DACT1: variants seen among roughly 807,000 people sequenced by gnomAD.
The protein encoded by DACT1 is dapper homolog 1.
In DACT1, 19 loss-of-function variants were observed where a neutral mutation model predicts 35.3. The observed-to-expected ratio is 0.54, with a 90% CI of 0.38 to 0.79. The LOEUF (loss-of-function observed/expected upper bound fraction) is 0.79, where lower values mean the gene tolerates loss of function less well. Among genes scored for constraint, DACT1 ranks in the 30% least tolerant of loss-of-function variants. The pLI is 0.00. For synonymous variants in DACT1, 545 were observed against 466.7 expected (o/e 1.17, Z -2.16); for missense variants, 1,143 against 1,057.5 (o/e 1.08, Z -1.12).
At position 58,647,009 on chromosome 14, in the gene DACT1, G is replaced by T. The variant is rs2047697688; in HGVS notation, c.2275G>T (p.Val759Leu). 1.2e-6 allele frequency: 2 copies of T among 1,614,152 alleles called. No individual in the cohort carries two copies. The highest frequency in any genetic ancestry group is 1.7e-6 in the Non-Finnish European group (2 of 1,180,024). The change falls in exon 4 of 4, where the codon GTA becomes TTA. Residue 759 changes from valine (V) to leucine (L), a missense_variant. Coordinates refer to ENST00000395153, the MANE Select transcript of DACT1 (RefSeq NM_001079520.2). ...TGTCCAGACTCTGCCCATTCAAACG[G>T]TAACGGCCCCAGACCTTCACAACCA... ...QFVQTLPIQT[V>L]TAPDLHNHPA... is the part of the protein sequence containing the mutation.
chr14:58,638,726 G>C, intron 1 of DACT1, 179 bp downstream of exon 1: 1 of 1,179,350 alleles, frequency 8.5e-7, no homozygotes, highest in Non-Finnish European at 1.1e-6. Flanking sequence ...CGTGTGGGCT[G>C]CCGACGCCCA....
Position 58,646,757 on chromosome 14 carries a change from C to T in DACT1, c.2023C>T (p.Pro675Ser). ...GCTGTACCCCGCGCCTGTGCCTCTG[C>T]CCTACGCCAGCCCCTACGCCTACGT... Reference protein sequence around the residue: ...VGLYPAPVPLPYASPYAYVAS... With the variant: ...VGLYPAPVPLSYASPYAYVAS... The change falls in exon 4 of 4, where the codon CCC becomes TCC. Residue 675 changes from proline to serine, a missense_variant. By Grantham distance (74) the Pro-to-Ser change is moderately conservative. This residue lies in a region of DACT1 where 1,054 missense variants were observed against 958.8 expected (regional missense o/e 1.10). Transcript: ENST00000395153. 1 of 1,614,054 alleles carries T rather than the reference C, an allele frequency of 6.2e-7. No homozygotes were observed. Among genetic ancestry groups the T allele is most frequent in the Non-Finnish European group, 8.5e-7 (1 of 1,180,040 alleles).
chr14:58,638,716 C>T lies in DACT1; in HGVS notation c.345+169C>T, dbSNP rs1175652841. On this transcript the variant is annotated intron_variant, in intron 1 of 3. Transcript: ENST00000395153. Reference sequence around the variant, plus strand: ...TGATCCCCTTCCTGAGTGCCCGCGGCGTGTGGGCTGCCGACGCCCACGCGT... The same window carrying T: ...TGATCCCCTTCCTGAGTGCCCGCGGTGTGTGGGCTGCCGACGCCCACGCGT... The T allele has an allele frequency of 4.2e-6, 5 of 1,179,042 alleles. No individual in the cohort carries two copies. In the African/African-American group the frequency reaches 4.8e-5, roughly 11 times the overall value. 73.0% of individuals were successfully genotyped at this position (1,179,042 alleles called of 1,614,324 possible).
rs1240979983 is a variant in DACT1, at chr14:58,647,265, G to T, written c.*131G>T. ...CTTTTTAAAAAAATATAAAACCAAG[G>T]TAAATTATTGTTTCATCTTCACGTA... On this transcript the variant is annotated 3_prime_UTR_variant, in exon 4 of 4. Transcript: ENST00000395153. The T allele has an allele frequency of 1.8e-6, 2 of 1,084,500 alleles. No individual in the cohort carries two copies. The highest frequency in any genetic ancestry group is 1.6e-5 in the South Asian group (1 of 63,300). The allele number at this position is 1,084,500 out of a possible 1,614,324, so 67.2% of individuals were successfully genotyped here. A position where few individuals can be genotyped will look rare whatever the true frequency, so the allele number is the denominator to read the frequency against.
upstream of DACT1, chr14:58,637,922 T>A (rs2047587550): frequency 5.8e-6 from 1 of 172,794 alleles, no homozygotes; most frequent in South Asian, 2.0e-4. Context: ...CAGGCGGGGG[T>A]TTGCAGGGCC....
rs371662684 is a variant in DACT1, at chr14:58,645,486, C to A, written c.752C>A (p.Thr251Lys). 3 of 1,614,052 alleles carry A rather than the reference C, an allele frequency of 1.9e-6. No individual in the cohort carries two copies. In the African/African-American group the frequency reaches 4.0e-5, roughly 22 times the overall value. The change falls in exon 4 of 4, where the codon ACG (threonine) becomes AAG (lysine). Residue 251 changes from threonine to lysine, a missense_variant. By Grantham distance (78) the Thr-to-Lys change is moderately conservative (BLOSUM62 -1). Coordinates refer to ENST00000395153, the MANE Select transcript of DACT1 (RefSeq NM_001079520.2). ...AGCCCAATGTTTCTCCTTTGTCTGACGGGCAACCCTCTGAGGGAAGAGGAC... is the reference window on the plus strand; with the variant it reads ...AGCCCAATGTTTCTCCTTTGTCTGAAGGGCAACCCTCTGAGGGAAGAGGAC... ...VQSPMFLLCL[T>K]GNPLREEDRL...
At chr14:58,639,712 G>A (rs1009130130) in intron 1 of DACT1, among the ~76,000 whole-genome samples, 1 of 152,182 alleles carries the variant, frequency 6.6e-6, no homozygotes, top group Non-Finnish European at 1.5e-5. Flanking sequence ...GACAAGAGGC[G>A]TAGATATTCA....
upstream of DACT1, among the ~76,000 whole-genome samples, chr14:58,634,451 C>T (rs940482346): frequency 2.0e-5 from 3 of 152,146 alleles, no homozygotes; most frequent in Admixed American, 1.3e-4. Context: ...CTCACTGAAG[C>T]CTGATTGTGG....
intron 3 of DACT1, among the ~76,000 whole-genome samples, chr14:58,644,704 C>G (rs576571919): frequency 6.6e-6 from 1 of 152,184 alleles, no homozygotes; most frequent in South Asian, 2.1e-4. Flanking sequence ...AGAAAGCCTA[C>G]TGAACGTACA....
At chr14:58,644,390 T>C (rs905812518) in intron 3 of DACT1, among the ~76,000 whole-genome samples, 3 of 152,196 alleles carry the variant, frequency 2.0e-5, no homozygotes, top group Admixed American at 2.0e-4. Flanking sequence ...ATTAAAAAAG[T>C]TTTTTTAAAT....
chr14:58,640,926 T>C, intron 2 of DACT1, 58 bp downstream of exon 2: 1 of 1,595,628 alleles, frequency 6.3e-7, no homozygotes, highest in Non-Finnish European at 8.6e-7. Flanking sequence ...CTCAGCCCCT[T>C]GTGGTTAACA....
In DACT1 at chr14:58,646,819, C is replaced by T. The variant is rs61755641; in HGVS notation, c.2085C>T (p.Ser695=). The part of the protein sequence containing the change: ...SDSEYSAECE[S]LFHSTVVDTS... ...CCGAGTACTCGGCCGAGTGCGAGTC[C>T]CTGTTCCACTCCACCGTGGTGGACA... is the stretch of plus-strand genomic sequence containing the variant. The change falls in exon 4 of 4, where the codon TCC becomes TCT. Residue 695 remains serine (S), a synonymous_variant. Coordinates refer to ENST00000395153, the MANE Select transcript of DACT1 (RefSeq NM_001079520.2). 1.2e-6 allele frequency: 2 copies of T among 1,614,132 alleles called. No individual in the cohort carries two copies. Among genetic ancestry groups the T allele is most frequent in the Non-Finnish European group, 1.7e-6 (2 of 1,180,028 alleles).
rs1161916998 is a variant in DACT1, at chr14:58,646,536, C to T, written c.1802C>T (p.Pro601Leu). 1 of 1,556,332 alleles carries T rather than the reference C, an allele frequency of 6.4e-7. No homozygotes were observed. Among genetic ancestry groups the T allele is most frequent in the Non-Finnish European group, 8.7e-7 (1 of 1,153,664 alleles). ...SSKGRKSGGG[P>L]EAGVPGRPAG... Reference sequence around the variant, plus strand: ...AAGGGGAGGAAGAGTGGGGGCGGGCCCGAGGCTGGTGTTCCCGGCAGGCCC... The same window carrying T: ...AAGGGGAGGAAGAGTGGGGGCGGGCTCGAGGCTGGTGTTCCCGGCAGGCCC... Residue 601 changes from proline (P) to leucine (L), a missense_variant, in exon 4 of 4, where the codon CCC becomes CTC. By Grantham distance (98) the Pro-to-Leu change is moderately conservative (BLOSUM62 -3). Transcript: ENST00000395153.
rs373536309 is a variant in DACT1 at position 58,646,412 on chromosome 14, G to A, written c.1678G>A (p.Gly560Ser). 32 of 1,600,588 alleles carry A rather than the reference G, an allele frequency of 2.0e-5. No homozygotes were observed. The East Asian group carries it at 5.6e-4, about 28-fold the overall frequency. The change falls in exon 4 of 4, where the codon GGC becomes AGC. Residue 560 changes from glycine to serine, a missense_variant. Around this residue, in one of 3 missense-constraint regions of DACT1, gnomAD observed 1,054 missense variants for 958.8 expected, o/e 1.10. Transcript: ENST00000395153. ...CCCAGCCCTCCAGGGGCTGGAGAAC[G>A]GCTTGCCCACCGTCAGGGAGAAAAC... ...RGPALQGLEN[G>S]LPTVREKTRA...
In DACT1 at chr14:58,645,922, G is replaced by T. The variant is rs763203257; in HGVS notation, c.1188G>T (p.Val396=). The change falls in exon 4 of 4, where the codon GTG becomes GTT. Residue 396 remains valine (V), a synonymous_variant. Transcript: ENST00000395153. ...CCGAACAAGCCGAAAGCAAGAGGGT[G>T]CCCCTGCCAGAGGGCTGCCCCTCAG... ...SKAEQAESKR[V]PLPEGCPSGA... 1.9e-6 allele frequency: 3 copies of T among 1,614,122 alleles called. No individual in the cohort carries two copies. In the South Asian group the frequency reaches 3.3e-5, roughly 18 times the overall value.
chr14:58,645,122 G>A, intron 3 of DACT1: 2 of 714,408 alleles, frequency 2.8e-6, no homozygotes, highest in Non-Finnish European at 4.6e-6. Context: ...GTACCTACAT[G>A]TGAAATGGTA....
At position 58,646,482 on chromosome 14, in the gene DACT1, C is replaced by G; in HGVS notation, c.1748C>G (p.Thr583Arg). The G allele has an allele frequency of 6.4e-7, 1 of 1,567,424 alleles. No homozygotes were observed. ...KKCRFPDDLD[T>R]NKKLKKASSK... ...TGTCGCTTCCCAGATGACTTGGATA[C>G]AAATAAGAAACTCAAGAAAGCCTCC... The change falls in exon 4 of 4, where the codon ACA (threonine) becomes AGA (arginine). Residue 583 changes from threonine to arginine, a missense_variant. Around this residue, in one of 3 missense-constraint regions of DACT1, gnomAD observed 1,054 missense variants for 958.8 expected, o/e 1.10. Coordinates refer to ENST00000395153, the MANE Select transcript of DACT1 (RefSeq NM_001079520.2).
chr14:58,647,523 T>A lies in DACT1; in HGVS notation c.*389T>A, dbSNP rs2047705519. 1 of 259,630 alleles carries A rather than the reference T, an allele frequency of 3.9e-6. No homozygotes were observed. Among genetic ancestry groups the A allele is most frequent in the Admixed American group, 5.5e-5 (1 of 18,120 alleles). The allele number at this position is 259,630 out of a possible 1,614,324, so 16.1% of individuals were successfully genotyped here. ...TGGATTTATATTTGTTCCTTGAGTC[T>A]TCAGGGCAGTGTCTCCATGAGGGTT... On this transcript the variant is annotated 3_prime_UTR_variant, in exon 4 of 4. Transcript: ENST00000395153.
In DACT1 at chr14:58,647,557, G is replaced by C. The variant is rs940556203; in HGVS notation, c.*423G>C. Reference sequence around the variant, plus strand: ...GTGTCTCCATGAGGGTTTTCCTGTTGAGGGGCACCACATACAATAGTGTGA... The same window carrying C: ...GTGTCTCCATGAGGGTTTTCCTGTTCAGGGGCACCACATACAATAGTGTGA... On this transcript the variant is annotated 3_prime_UTR_variant, in exon 4 of 4. Coordinates refer to ENST00000395153, the MANE Select transcript of DACT1 (RefSeq NM_001079520.2). 1 of 226,774 alleles carries C rather than the reference G, an allele frequency of 4.4e-6. No individual in the cohort carries two copies. Among genetic ancestry groups the C allele is most frequent in the Non-Finnish European group, 9.2e-6 (1 of 108,938 alleles). 14.0% of individuals were successfully genotyped at this position (226,774 alleles called of 1,614,324 possible).
Sources: allele counts gnomAD v4.1 joint callset (sites outside exome capture counted in the v4.1 genomes callset), GRCh38; gene constraint gnomAD v4.1.1; regional missense constraint gnomAD v4.1.1; transcripts MANE v1.5; gene names NCBI Gene and HGNC (gene_info 2026-07-23, HGNC 2026-07-21).